The following RIPK4 variants were observed in gnomAD, a reference collection of about 807,000 sequenced individuals.
The protein encoded by RIPK4 is receptor interacting serine/threonine kinase 4.
A neutral mutation model predicts 42.9 loss-of-function variants in RIPK4; 17 were observed. The ratio of observed to expected loss-of-function variants is 0.40; its 90% CI spans 0.27 to 0.59. The LOEUF is 0.59. Among genes scored for constraint, RIPK4 ranks in the 20% least tolerant of loss-of-function variants. The pLI, the probability that RIPK4 is intolerant of heterozygous loss-of-function variation, is 0.47. For missense variants in RIPK4, 897 were observed against 1,104.4 expected (o/e 0.81, Z 2.66); for synonymous variants, 498 against 499.1 (o/e 1.00, Z 0.03).
Position 41,746,602 on chromosome 21 carries a change from G to A in RIPK4, c.832+11C>T, listed in dbSNP as rs765614531. 14 of 1,598,824 alleles carry A rather than the reference G, an allele frequency of 8.8e-6. No individual in the cohort carries two copies. Among genetic ancestry groups the A allele is most frequent in the African/African-American group, 5.3e-5 (4 of 74,872 alleles). On this transcript the variant is annotated intron_variant, in intron 5 of 7. Transcript: ENST00000332512. ...CCACAGAATGTGGCGGGGAGACCCCGGGGTGCTCACCTTGGAAGGTGGGCC... is the reference window on the plus strand; with the variant it reads ...CCACAGAATGTGGCGGGGAGACCCCAGGGTGCTCACCTTGGAAGGTGGGCC...
chr21:41,747,117 T>C (rs988915120), intron 4 of RIPK4, among the ~76,000 whole-genome samples: 18 of 152,168 alleles, frequency 1.2e-4, no homozygotes, highest in African/African-American at 3.9e-4. Context: ...GCTCATTCCA[T>C]CAACAGCCCA....
chr21:41,742,681 T>G lies in RIPK4; in HGVS notation c.1196-684A>C, dbSNP rs537301343. Among the ~76,000 whole-genome samples, 14 of 152,258 alleles carry G rather than the reference T, an allele frequency of 9.2e-5. No individual in the cohort carries two copies. The South Asian group carries it at 2.9e-3, about 32-fold the overall frequency. ...GCCCTCATGTGAAACGCGTGGGGAC[T>G]TGGAAGTCGGCGGTGGGAAGGTGTT... On this transcript the variant is annotated intron_variant, in intron 7 of 7. Transcript: ENST00000332512. The surrounding 1 kb of genome is among the most constrained non-coding windows in gnomAD (Gnocchi z 5.1).
chr21:41,759,842 C>T (rs2061215558), intron 1 of RIPK4, among the ~76,000 whole-genome samples: 1 of 152,224 alleles, frequency 6.6e-6, no homozygotes. Context: ...CAGCAGGAAC[C>T]CCTGGATCCT....
At chr21:41,758,041 T>TATATAGAGAGAG (rs1452050960) in intron 1 of RIPK4, among the ~76,000 whole-genome samples, 10 of 58,478 alleles carry the variant, frequency 1.7e-4, no homozygotes, top group African/African-American at 1.0e-3. Context: ...TATATATATA[T>TATATAGAGAGAG]AGAGAGAGAG....
In RIPK4 at chr21:41,755,361, T is replaced by C. The variant is rs1257233974; in HGVS notation, c.474+1164A>G. Among the ~76,000 whole-genome samples the C allele has an allele frequency of 3.9e-5, 6 of 152,144 alleles. No homozygotes were observed. Among genetic ancestry groups the C allele is most frequent in the African/African-American group, 1.4e-4 (6 of 41,414 alleles). On this transcript the variant is annotated intron_variant, in intron 2 of 7. Coordinates refer to ENST00000332512, the MANE Select transcript of RIPK4 (RefSeq NM_020639.3). The surrounding 1 kb of genome is among the most constrained non-coding windows in gnomAD (Gnocchi z 4.2). ...TATAATTACTGCCCGAAGTGAAAAA[T>C]TGACCTCCTCACCACCGCCCTGGCT...
At chr21:41,757,370 A>G (rs562042449) in intron 1 of RIPK4, among the ~76,000 whole-genome samples, 127 of 152,124 alleles carry the variant, frequency 8.3e-4, no homozygotes, top group African/African-American at 3.0e-3. Context: ...AAAAATACAA[A>G]AATTAGCCGG....
chr21:41,744,629 C>G (rs1289876574), intron 6 of RIPK4, among the ~76,000 whole-genome samples: 3 of 152,214 alleles, frequency 2.0e-5, no homozygotes, highest in Admixed American at 2.0e-4. Flanking sequence ...CAGGCGGTGT[C>G]AAGCTGCAGA....
intron 7 of RIPK4, among the ~76,000 whole-genome samples, chr21:41,743,364 G>A (rs998362740): frequency 2.6e-5 from 4 of 152,244 alleles, no homozygotes; most frequent in African/African-American, 9.6e-5. Context: ...TAAAAGAGAA[G>A]TGCTCCTCCC....
rs1015405967 is a variant in RIPK4, at chr21:41,742,562, G to A, written c.1196-565C>T. On this transcript the variant is annotated intron_variant, in intron 7 of 7. Coordinates refer to ENST00000332512, the MANE Select transcript of RIPK4 (RefSeq NM_020639.3). This position sits in a 1 kb window ranked among gnomAD's most constrained non-coding sequence, Gnocchi z 5.1. The stretch of plus-strand genomic sequence containing the variant: ...ACCGAGCTTCTCGTTTCAGGAGGAC[G>A]TTAGTCCAGCACTCAGGATGAAAAG... Among the ~76,000 whole-genome samples, 1 of 152,284 alleles carries A rather than the reference G, an allele frequency of 6.6e-6. No individual in the cohort carries two copies. Among genetic ancestry groups the A allele is most frequent in the Middle Eastern group, 3.4e-3 (1 of 294 alleles).
intron 5 of RIPK4, among the ~76,000 whole-genome samples, chr21:41,746,390 C>G (rs967606383): frequency 6.6e-6 from 1 of 152,240 alleles, no homozygotes; most frequent in Non-Finnish European, 1.5e-5. Context: ...GAGCAGGGGG[C>G]GGATGGTTGG....
chr21:41,752,364 C>G (rs888944580), intron 2 of RIPK4, among the ~76,000 whole-genome samples: 2 of 152,176 alleles, frequency 1.3e-5, no homozygotes, highest in Admixed American at 1.3e-4. Context: ...GTCATCAGCA[C>G]CAAACAGCTG....
chr21:41,750,772 C>T (rs924258921), intron 3 of RIPK4, among the ~76,000 whole-genome samples: 4 of 152,152 alleles, frequency 2.6e-5, no homozygotes, highest in South Asian at 2.1e-4. Context: ...CTCCACCTCC[C>T]GGGCTCAAGC....
Position 41,740,469 on chromosome 21 carries a change from G to C in RIPK4, c.*369C>G, listed in dbSNP as rs898527135. The stretch of plus-strand genomic sequence containing the variant: ...TTCCCCTGCACCTCCCTCAAGACTG[G>C]TGAGCTCCAGCAACCCAAGGTGGCT... On this transcript the variant is annotated 3_prime_UTR_variant, in exon 8 of 8. Transcript: ENST00000332512. 3 of 237,246 alleles carry C rather than the reference G, an allele frequency of 1.3e-5. No individual in the cohort carries two copies. The highest frequency in any genetic ancestry group is 2.4e-5 in the Non-Finnish European group (3 of 123,762). 14.7% of individuals were successfully genotyped at this position (237,246 alleles called of 1,614,324 possible).
rs771109757 is a variant in RIPK4, at chr21:41,756,707, A to G, written c.292T>C (p.Tyr98His). The G allele has an allele frequency of 1.2e-6, 2 of 1,614,118 alleles. No individual in the cohort carries two copies. Among genetic ancestry groups the G allele is most frequent in the South Asian group, 2.2e-5 (2 of 91,086 alleles). The part of the protein sequence containing the change: ...CREPVGLVME[Y>H]METGSLEKLL... Reference sequence around the variant, plus strand: ...TTTTCCAGGGAGCCCGTCTCCATGTACTCCATGACCAGGCCGACAGGTTCG... The same window carrying G: ...TTTTCCAGGGAGCCCGTCTCCATGTGCTCCATGACCAGGCCGACAGGTTCG... The change falls in exon 2 of 8, where the codon TAC (tyrosine) becomes CAC (histidine). Residue 98 changes from tyrosine (Y) to histidine (H), a missense_variant. Physicochemically the swap from Tyr to His is moderately conservative, Grantham distance 83. Coordinates refer to ENST00000332512, the MANE Select transcript of RIPK4 (RefSeq NM_020639.3).
At chr21:41,752,869 T>C (rs1017641209) in intron 2 of RIPK4, among the ~76,000 whole-genome samples, 8 of 152,100 alleles carry the variant, frequency 5.3e-5, no homozygotes, top group African/African-American at 1.7e-4. Context: ...AAACACCTAA[T>C]GCATGCGGGT....
At chr21:41,761,559 A>T (rs1313235445) in intron 1 of RIPK4, among the ~76,000 whole-genome samples, 1 of 152,156 alleles carries the variant, frequency 6.6e-6, no homozygotes, top group Non-Finnish European at 1.5e-5. Flanking sequence ...ACCCACATCC[A>T]CTGTGCAACC....
rs115041500 is a variant in RIPK4 at position 41,740,623 on chromosome 21, C to G, written c.*215G>C. The G allele has an allele frequency of 1.7e-3, 953 of 569,590 alleles. 11 individuals are homozygous for G. The highest frequency in any genetic ancestry group is 0.016 in the African/African-American group (863 of 52,928). 35.3% of individuals were successfully genotyped at this position (569,590 alleles called of 1,614,324 possible). ...CCCTTCAGACAGCAGGTGCCTAGAT[C>G]GATGATGGAGCGGGCATGTGCACCT... On this transcript the variant is annotated 3_prime_UTR_variant, in exon 8 of 8. Coordinates refer to ENST00000332512, the MANE Select transcript of RIPK4 (RefSeq NM_020639.3).
intron 2 of RIPK4, among the ~76,000 whole-genome samples, chr21:41,756,068 T>G (rs886722049): frequency 1.3e-5 from 2 of 152,224 alleles, no homozygotes; most frequent in South Asian, 4.2e-4. Flanking sequence ...TCCACAGCAC[T>G]TTGAGGACCC....
At chr21:41,754,724 C>T (rs963900041) in intron 2 of RIPK4, among the ~76,000 whole-genome samples, 2 of 152,226 alleles carry the variant, frequency 1.3e-5, no homozygotes, top group African/African-American at 2.4e-5. Context: ...GCCCCAGGAG[C>T]ACTCCCACCC....
Sources: gnomAD v4.1 joint callset for allele counts (sites outside exome capture counted in the v4.1 genomes callset) on GRCh38, gnomAD v4.1.1 for gene constraint, Gnocchi (gnomAD v3.1) non-coding constraint, MANE v1.5 for transcripts, NCBI Gene and HGNC (gene_info 2026-07-23, HGNC 2026-07-21) for gene names.